The following TMEM74 variants were observed in gnomAD, a reference collection of about 807,000 sequenced individuals.
The protein encoded by TMEM74 is transmembrane protein 74.
In TMEM74, 13 loss-of-function variants were observed where a neutral mutation model predicts 18.1. The observed-to-expected ratio is 0.72, with a 90% confidence interval of 0.47 to 1.14. The LOEUF (loss-of-function observed/expected upper bound fraction) is 1.14, where lower values mean the gene tolerates loss of function less well. TMEM74 is among the 50% of genes most tolerant of loss of function. TMEM74 has a pLI of 0.00. For synonymous variants in TMEM74, 159 were observed against 146.6 expected (o/e 1.08, Z -0.61); for missense variants, 372 against 375.9 (o/e 0.99, Z 0.09).
intron 1 of TMEM74, among the ~76,000 whole-genome samples, chr8:108,657,865 T>TATATAC (rs1204638959): frequency 2.2e-5 from 1 of 44,584 alleles, no homozygotes; most frequent in African/African-American, 1.1e-4. Context: ...AAAAAATATA[T>TATATAC]ATATATATAT....
intron 1 of TMEM74, among the ~76,000 whole-genome samples, chr8:108,678,656 A>G (rs1404274339): frequency 6.7e-6 from 1 of 149,488 alleles, no homozygotes; most frequent in Non-Finnish European, 1.5e-5. Context: ...GTCATGCCCA[A>G]TTTGCTTAGG....
chr8:108,630,636 G>A (rs1009181256), intron 2 of TMEM74, among the ~76,000 whole-genome samples: 1 of 152,028 alleles, frequency 6.6e-6, no homozygotes, highest in Non-Finnish European at 1.5e-5. Flanking sequence ...TCAGACCACA[G>A]TGCAATCAAA....
chr8:108,632,900 T>C (rs1399050964), intron 2 of TMEM74, among the ~76,000 whole-genome samples: 2 of 152,092 alleles, frequency 1.3e-5, no homozygotes, highest in East Asian at 1.9e-4. Flanking sequence ...AACATGTTCT[T>C]CTAGTTTGCA....
intron 1 of TMEM74, among the ~76,000 whole-genome samples, chr8:108,725,320 G>A (rs77826836): frequency 0.013 from 2,023 of 152,182 alleles, 22 homozygotes; most frequent in Non-Finnish European, 0.024. Flanking sequence ...TCCACTGAAA[G>A]TTATAATTCC....
At chr8:108,732,457 A>G (rs111962260) in intron 1 of TMEM74, among the ~76,000 whole-genome samples, 14 of 152,302 alleles carry the variant, frequency 9.2e-5, no homozygotes, top group African/African-American at 3.1e-4. Context: ...ATAGACAAAA[A>G]ATTGTTTAAC....
At chr8:108,634,566 CT>C (rs1330634210) in intron 2 of TMEM74, among the ~76,000 whole-genome samples, 1 of 151,930 alleles carries the variant, frequency 6.6e-6, no homozygotes, top group African/African-American at 2.4e-5. Context: ...CTTTCCAAAC[CT>C]TTTCCTTTGT....
At chr8:108,711,604 G>T (rs559019483) in intron 1 of TMEM74, among the ~76,000 whole-genome samples, 4 of 152,302 alleles carry the variant, frequency 2.6e-5, no homozygotes, top group African/African-American at 9.6e-5. Context: ...AAGGAAGCTT[G>T]GTGGAATTGT....
At chr8:108,636,722 C>G (rs1812610315) in intron 2 of TMEM74, among the ~76,000 whole-genome samples, 1 of 151,698 alleles carries the variant, frequency 6.6e-6, no homozygotes, top group Non-Finnish European at 1.5e-5. Flanking sequence ...CTAGGATCGA[C>G]ATTGCCTGAG....
chr8:108,676,649 T>C (rs939096906), intron 1 of TMEM74, among the ~76,000 whole-genome samples: 1 of 152,226 alleles, frequency 6.6e-6, no homozygotes, highest in African/African-American at 2.4e-5. Context: ...TAATGTATAT[T>C]ATATTTATAT....
intron 1 of TMEM74, among the ~76,000 whole-genome samples, chr8:108,678,893 C>A (rs1192543104): frequency 7.2e-6 from 1 of 139,750 alleles, no homozygotes; most frequent in East Asian, 2.1e-4. Flanking sequence ...GCCATCCTCC[C>A]CCCCTCCCCC....
At chr8:108,738,993 C>G (rs1233500697) in intron 1 of TMEM74, among the ~76,000 whole-genome samples, 4 of 152,132 alleles carry the variant, frequency 2.6e-5, no homozygotes, top group African/African-American at 7.2e-5. Context: ...ATCTTTCAGC[C>G]AGAAATTAGT....
intron 1 of TMEM74, among the ~76,000 whole-genome samples, chr8:108,662,387 A>G (rs1812909331): frequency 6.6e-6 from 1 of 152,144 alleles, no homozygotes; most frequent in South Asian, 2.1e-4. Context: ...GACATTAAAC[A>G]AGGAGACAGA....
At chr8:108,610,198 T>C (rs1812321131) in intron 2 of TMEM74, among the ~76,000 whole-genome samples, 1 of 152,190 alleles carries the variant, frequency 6.6e-6, no homozygotes, top group South Asian at 2.1e-4. Flanking sequence ...ATTTAGCAGG[T>C]AAAAGAGAAA....
intron 2 of TMEM74, among the ~76,000 whole-genome samples, chr8:108,646,862 G>T (rs192954927): frequency 2.6e-5 from 4 of 152,260 alleles, no homozygotes; most frequent in African/African-American, 9.6e-5. Context: ...TTCCAAGTAT[G>T]TTCTATAGAA....
chr8:108,621,475 G>A (rs1452061733), intron 2 of TMEM74, among the ~76,000 whole-genome samples: 7 of 152,156 alleles, frequency 4.6e-5, no homozygotes, highest in Non-Finnish European at 1.0e-4. Flanking sequence ...GGCCCAGGTG[G>A]GAAGTTGCCC....
At chr8:108,687,347 C>A (rs1813180587) in intron 1 of TMEM74, among the ~76,000 whole-genome samples, 1 of 91,996 alleles carries the variant, frequency 1.1e-5, no homozygotes, top group Non-Finnish European at 2.0e-5. Context: ...AGTTAAAAAA[C>A]AAGCAGCAGA....
chr8:108,714,101 C>G (rs1489087445), intron 1 of TMEM74, among the ~76,000 whole-genome samples: 4 of 152,124 alleles, frequency 2.6e-5, no homozygotes, highest in Admixed American at 6.5e-5. Flanking sequence ...CTACCTGGTC[C>G]CCTCAGACTC....
At chr8:108,690,346 A>C (rs1269106784) in intron 1 of TMEM74, among the ~76,000 whole-genome samples, 1 of 152,080 alleles carries the variant, frequency 6.6e-6, no homozygotes, top group African/African-American at 2.4e-5. Flanking sequence ...CCCATTATTA[A>C]ATGGAGTGGC....
At chr8:108,636,793 A>G (rs888284220) in intron 2 of TMEM74, among the ~76,000 whole-genome samples, 11 of 151,942 alleles carry the variant, frequency 7.2e-5, no homozygotes, top group African/African-American at 2.7e-4. Context: ...GAAGTGGCCG[A>G]GTAAAAGAAG....
Sources: gnomAD v4.1 joint callset for allele counts (sites outside exome capture counted in the v4.1 genomes callset) on GRCh38, gnomAD v4.1.1 for gene constraint, MANE v1.5 for transcripts, NCBI Gene and HGNC (gene_info 2026-07-23, HGNC 2026-07-21) for gene names.